KALRN: variants seen among roughly 807,000 people sequenced by gnomAD.
The protein encoded by KALRN is kalirin RhoGEF kinase.
A neutral mutation model predicts 353.7 loss-of-function variants in KALRN; 70 were observed. The ratio of observed to expected loss-of-function variants is 0.20; its 90% CI spans 0.16 to 0.24. The LOEUF (loss-of-function observed/expected upper bound fraction) is 0.24, where lower values mean the gene tolerates loss of function less well. KALRN is among the 10% of genes least tolerant of loss of function. The pLI, the probability that KALRN is intolerant of heterozygous loss-of-function variation, is 1.00. For synonymous variants in KALRN, 1,391 were observed against 1,434.8 expected (o/e 0.97, Z 0.69); for missense variants, 2,791 against 3,756.7 (o/e 0.74, Z 6.72).
intron 1 of KALRN, among the ~76,000 whole-genome samples, chr3:124,060,222 G>A (rs921430901): frequency 6.6e-6 from 1 of 152,186 alleles, no homozygotes; most frequent in Non-Finnish European, 1.5e-5. Flanking sequence ...AACATAAAAT[G>A]AGCGGGAGGT....
intron 33 of KALRN, among the ~76,000 whole-genome samples, chr3:124,524,742 C>T (rs937568245): frequency 5.3e-5 from 8 of 152,144 alleles, no homozygotes; most frequent in Admixed American, 5.2e-4. Flanking sequence ...TACATATGCA[C>T]AGGAAATGTG....
intron 21 of KALRN, among the ~76,000 whole-genome samples, chr3:124,453,544 G>A (rs564500139): frequency 1.3e-5 from 2 of 152,238 alleles, no homozygotes; most frequent in African/African-American, 4.8e-5. Flanking sequence ...AAGAAAGAAG[G>A]GCTCTGTTGT....
chr3:124,132,143 AT>A (rs1243581017), intron 1 of KALRN, among the ~76,000 whole-genome samples: 39 of 152,316 alleles, frequency 2.6e-4, no homozygotes, highest in African/African-American at 9.4e-4. Context: ...AATATTGATT[AT>A]CCATCATTTC....
rs106520 is a variant in KALRN, at chr3:124,657,806, G to A, written c.6036+3G>A. ...TGGCACAGCTCTTTATTAAGCACGTGAGTGTCTCCCATCACCTCCTCCCCA... is the reference window on the plus strand; with the variant it reads ...TGGCACAGCTCTTTATTAAGCACGTAAGTGTCTCCCATCACCTCCTCCCCA... On this transcript the variant is annotated splice_donor_region_variant and intron_variant, in intron 41 of 59. Coordinates refer to ENST00000682506, the MANE Select transcript of KALRN (RefSeq NM_001388419.1). 0.28 allele frequency: 450,685 copies of A among 1,598,924 alleles called. 71,996 individuals are homozygous for A. Among genetic ancestry groups the A allele is most frequent in the East Asian group, 0.77 (34,503 of 44,766 alleles).
intron 15 of KALRN, among the ~76,000 whole-genome samples, chr3:124,426,637 T>A (rs191327858): frequency 1.1e-4 from 17 of 152,342 alleles, no homozygotes; most frequent in Non-Finnish European, 1.2e-4. Flanking sequence ...GGACTTTATA[T>A]CTAAGATAGA....
intron 52 of KALRN, 128 bp downstream of exon 52, chr3:124,693,959 T>A (rs1192608975): frequency 4.5e-6 from 3 of 666,328 alleles, no homozygotes; most frequent in Non-Finnish European, 7.6e-6. Flanking sequence ...GGAAAGAGGT[T>A]TATGATAAAT....
intron 5 of KALRN, among the ~76,000 whole-genome samples, chr3:124,293,398 T>A (rs890087463): frequency 2.6e-5 from 4 of 152,206 alleles, no homozygotes; most frequent in Admixed American, 6.5e-5. Context: ...ATTCTTAATA[T>A]ACTTGTCCTA....
chr3:124,626,123 A>G (rs1355545119), intron 34 of KALRN, among the ~76,000 whole-genome samples: 1 of 152,240 alleles, frequency 6.6e-6, no homozygotes, highest in Admixed American at 6.5e-5. Flanking sequence ...ATCTACATGT[A>G]TGAACATGAA....
chr3:124,186,497 A>G (rs1579117102), intron 1 of KALRN, among the ~76,000 whole-genome samples: 1 of 152,186 alleles, frequency 6.6e-6, no homozygotes, highest in East Asian at 1.9e-4. Flanking sequence ...CTATTTTAAA[A>G]ATCTTAAAGT....
At chr3:124,240,784 C>T (rs1425405478) in intron 3 of KALRN, among the ~76,000 whole-genome samples, 1 of 152,122 alleles carries the variant, frequency 6.6e-6, no homozygotes, top group East Asian at 1.9e-4. Flanking sequence ...AGACTTTGGG[C>T]ATGCTAGTCA....
chr3:124,198,194 C>A (rs909894125), intron 1 of KALRN, among the ~76,000 whole-genome samples: 2 of 152,142 alleles, frequency 1.3e-5, no homozygotes, highest in African/African-American at 4.8e-5. Flanking sequence ...TCCTAGAGGT[C>A]ATCTAACCTT....
intron 25 of KALRN, among the ~76,000 whole-genome samples, chr3:124,463,031 A>G (rs2059995932): frequency 6.6e-6 from 1 of 152,214 alleles, no homozygotes; most frequent in Admixed American, 6.5e-5. Flanking sequence ...ATCAACCTAA[A>G]TATTTCCTCC....
chr3:124,472,527 T>A (rs1402569703), intron 25 of KALRN, among the ~76,000 whole-genome samples: 1 of 151,992 alleles, frequency 6.6e-6, no homozygotes, highest in Non-Finnish European at 1.5e-5. Flanking sequence ...TCGTCTCTAT[T>A]ATTATAAAAA....
chr3:124,271,809 G>A (rs1040651993), intron 5 of KALRN, among the ~76,000 whole-genome samples: 8 of 152,322 alleles, frequency 5.3e-5, no homozygotes, highest in Non-Finnish European at 1.2e-4. Context: ...GGCTCTTTCT[G>A]TGCCATGGAC....
In KALRN at chr3:124,326,528, A is replaced by G. The variant is rs74685141; in HGVS notation, c.1284+357A>G. Reference sequence around the variant, plus strand: ...AGATCAAAGGGGTGAATGTAAAGTGATCATTGAGGTGCTGAGAGCAGGGGA... The same window carrying G: ...AGATCAAAGGGGTGAATGTAAAGTGGTCATTGAGGTGCTGAGAGCAGGGGA... On this transcript the variant is annotated intron_variant, in intron 7 of 59. Transcript: ENST00000682506. Among the ~76,000 whole-genome samples, 2,956 of 152,290 alleles carry G rather than the reference A, an allele frequency of 0.019. 173 individuals are homozygous for G. In the East Asian group the frequency reaches 0.21, roughly 11 times the overall value.
intron 4 of KALRN, among the ~76,000 whole-genome samples, chr3:124,266,028 T>A: frequency 6.6e-6 from 1 of 152,106 alleles, no homozygotes. Flanking sequence ...GGCAGGAGAA[T>A]CACTTGAACC....
In KALRN at chr3:124,490,901, G is replaced by A. The variant is rs771379216; in HGVS notation, c.4587+17G>A. 3 of 1,597,928 alleles carry A rather than the reference G, an allele frequency of 1.9e-6. No individual in the cohort carries two copies. Among genetic ancestry groups the A allele is most frequent in the African/African-American group, 1.3e-5 (1 of 74,652 alleles). On this transcript the variant is annotated intron_variant, in intron 30 of 59. Coordinates refer to ENST00000682506, the MANE Select transcript of KALRN (RefSeq NM_001388419.1). ...AAGCTACTGGTAGGTGGGGCAGGTG[G>A]GGTAAGACAAGACTCCCTGCTTTCA...
At chr3:124,633,702 C>A in intron 35 of KALRN, 150 bp from the exon 36 acceptor site, 2 of 617,778 alleles carry the variant, frequency 3.2e-6, no homozygotes, top group Admixed American at 2.6e-5. Context: ...CAGGTGTATC[C>A]ATGTATCAAA....
chr3:124,152,055 A>G, intron 1 of KALRN: 3 of 1,384,742 alleles, frequency 2.2e-6, no homozygotes, highest in Non-Finnish European at 3.0e-6. Context: ...ATTCTGTCTC[A>G]TGGAGAAGAT....
Sources: gnomAD v4.1 joint callset for allele counts (sites outside exome capture counted in the v4.1 genomes callset) on GRCh38, gnomAD v4.1.1 for gene constraint, MANE v1.5 for transcripts, NCBI Gene and HGNC (gene_info 2026-07-23, HGNC 2026-07-21) for gene names.